Variants in CCDC149 observed in about 807,000 individuals in gnomAD.
CCDC149 encodes the protein coiled-coil domain-containing protein 149.
CCDC149 carries 45 observed loss-of-function variants against 59.9 expected under a neutral mutation model. The ratio of observed to expected loss-of-function variants is 0.75; its 90% CI spans 0.59 to 0.96. The LOEUF (loss-of-function observed/expected upper bound fraction) is 0.96. CCDC149 is among the 40% of genes least tolerant of loss of function. CCDC149 has a pLI of 0.00. For missense variants in CCDC149, 584 were observed against 664.7 expected, an observed-to-expected ratio of 0.88 and a Z score of 1.33; for synonymous variants, 245 against 260.6, an observed-to-expected ratio of 0.94 and a Z score of 0.58.
At chr4:24,976,515 C>T (rs574016389) in intron 1 of CCDC149, among the ~76,000 whole-genome samples, 5 of 152,272 alleles carry the variant, frequency 3.3e-5, no homozygotes, top group African/African-American at 7.2e-5. Flanking sequence ...GAGTTTGAGA[C>T]CAGCCTGGCC....
intron 9 of CCDC149, among the ~76,000 whole-genome samples, chr4:24,824,744 G>T (rs1715620558): frequency 1.3e-5 from 2 of 152,220 alleles, no homozygotes; most frequent in Non-Finnish European, 2.9e-5. Flanking sequence ...AGCTGGTGGT[G>T]AGGCTGTATC....
intron 1 of CCDC149, among the ~76,000 whole-genome samples, chr4:24,978,765 T>C (rs934474269): frequency 1.3e-5 from 2 of 152,208 alleles, no homozygotes. Context: ...GCTGAAATGC[T>C]GGCAATTTTG....
Position 24,808,665 on chromosome 4 carries a change from A to T in CCDC149, c.1347T>A (p.Pro449=). The change falls in exon 13 of 13, where the codon CCT becomes CCA. Residue 449 remains proline (P), a synonymous_variant. Coordinates refer to ENST00000635206, the MANE Select transcript of CCDC149 (RefSeq NM_001330643.2). ...CAAGGCTGTTTACTTCTTCCTCAGA[A>T]GGTAACTGGGGTAATGAAGGATGAA... 1 of 1,552,392 alleles carries T rather than the reference A, an allele frequency of 6.4e-7. No homozygotes were observed. The highest frequency in any genetic ancestry group is 1.2e-5 in the South Asian group (1 of 84,060).
At chr4:24,865,434 T>C (rs1718638177) in intron 3 of CCDC149, among the ~76,000 whole-genome samples, 1 of 152,186 alleles carries the variant, frequency 6.6e-6, no homozygotes, top group African/African-American at 2.4e-5. Context: ...TTAACAGTAA[T>C]AGAGTGAAAC....
Position 24,808,417 on chromosome 4 carries a change from C to T in CCDC149, c.1595G>A (p.Gly532Glu), listed in dbSNP as rs1714352557. ...GGTTTTCACGGTGCTCCTCATGCCT[C>T]CGCCCTCTGGGATCCCTTTGCCGTC... is the stretch of plus-strand genomic sequence containing the variant. Residue 532 changes from glycine to glutamate, a missense_variant, in exon 13 of 13, where the codon GGA becomes GAA. By Grantham distance (98) the Gly-to-Glu change is moderately conservative. Coordinates refer to ENST00000635206, the MANE Select transcript of CCDC149 (RefSeq NM_001330643.2). 6.9e-7 allele frequency: 1 copy of T among 1,458,034 alleles called. No homozygotes were observed. The highest frequency in any genetic ancestry group is 9.1e-7 in the Non-Finnish European group (1 of 1,104,116). The allele number at this position is 1,458,034 out of a possible 1,614,324, so 90.3% of individuals were successfully genotyped here.
intron 9 of CCDC149, among the ~76,000 whole-genome samples, chr4:24,823,845 T>C (rs1024056239): frequency 1.3e-5 from 2 of 152,246 alleles, no homozygotes; most frequent in African/African-American, 4.8e-5. Context: ...GTCTTAAAAT[T>C]ATGCAGTCTT....
At chr4:24,941,244 A>G (rs1293676826) in intron 1 of CCDC149, among the ~76,000 whole-genome samples, 1 of 152,202 alleles carries the variant, frequency 6.6e-6, no homozygotes, top group Non-Finnish European at 1.5e-5. Context: ...TAAGAAACTC[A>G]CTCAAAACTG....
intron 3 of CCDC149, among the ~76,000 whole-genome samples, chr4:24,862,807 C>T (rs994855198): frequency 8.5e-5 from 13 of 152,198 alleles, no homozygotes; most frequent in Non-Finnish European, 1.5e-5. Flanking sequence ...GTTAAAATGG[C>T]ATATAAGCCC....
At chr4:24,890,110 A>AT (rs1720442615) in intron 1 of CCDC149, among the ~76,000 whole-genome samples, 1 of 152,184 alleles carries the variant, frequency 6.6e-6, no homozygotes, top group Non-Finnish European at 1.5e-5. Flanking sequence ...TGGGCTTTAG[A>AT]GTGACATGAT....
intron 1 of CCDC149, among the ~76,000 whole-genome samples, chr4:24,937,567 T>C (rs1043103673): frequency 1.3e-5 from 2 of 152,270 alleles, no homozygotes; most frequent in African/African-American, 4.8e-5. Context: ...AGCATGAGGC[T>C]CTGTGCCATG....
intron 12 of CCDC149, among the ~76,000 whole-genome samples, chr4:24,811,867 C>T (rs968833111): frequency 4.4e-5 from 4 of 90,924 alleles, no homozygotes; most frequent in African/African-American, 8.4e-5. Context: ...AGTGAGACTC[C>T]GACTCAAAAA....
chr4:24,856,511 GA>G (rs752515479), intron 3 of CCDC149, among the ~76,000 whole-genome samples: 6 of 152,164 alleles, frequency 3.9e-5, no homozygotes, highest in Non-Finnish European at 5.9e-5. Flanking sequence ...ATCAAGACTT[GA>G]AAAAGGAGAG....
At position 24,837,423 on chromosome 4, in the gene CCDC149, T is replaced by C; in HGVS notation, c.490-23A>G. The stretch of plus-strand genomic sequence containing the variant: ...AATCTAAAACCACAGGGAGAGCCCT[T>C]ACTCAAGATGTTCCTCAGGCTCCAG... On this transcript the variant is annotated intron_variant, in intron 5 of 12. Coordinates refer to ENST00000635206, the MANE Select transcript of CCDC149 (RefSeq NM_001330643.2). This position sits in a 1 kb window ranked among gnomAD's most constrained non-coding sequence, Gnocchi z 4.3. 6.2e-7 allele frequency: 1 copy of C among 1,612,358 alleles called. No individual in the cohort carries two copies. The highest frequency in any genetic ancestry group is 8.5e-7 in the Non-Finnish European group (1 of 1,178,906).
At position 24,836,522 on chromosome 4, in the gene CCDC149, C is replaced by T; in HGVS notation, c.663-14G>A. The T allele has an allele frequency of 1.3e-6, 2 of 1,572,094 alleles. No homozygotes were observed. The highest frequency in any genetic ancestry group is 1.7e-6 in the Non-Finnish European group (2 of 1,144,096). On this transcript the variant is annotated splice_polypyrimidine_tract_variant and intron_variant, in intron 6 of 12. Transcript: ENST00000635206. Reference sequence around the variant, plus strand: ...TCTTGAAGGTACCTGAAAAAGAATACATAAAACTAGGAGGTGTTTAAGGGC... The same window carrying T: ...TCTTGAAGGTACCTGAAAAAGAATATATAAAACTAGGAGGTGTTTAAGGGC...
intron 3 of CCDC149, among the ~76,000 whole-genome samples, chr4:24,863,150 G>A (rs535685759): frequency 8.6e-5 from 13 of 152,020 alleles, no homozygotes; most frequent in South Asian, 4.2e-4. Flanking sequence ...AAAATTAGCC[G>A]GGCGTGGCGG....
At chr4:24,908,551 T>C (rs950368298) in intron 1 of CCDC149, among the ~76,000 whole-genome samples, 4 of 139,798 alleles carry the variant, frequency 2.9e-5, no homozygotes, top group African/African-American at 1.1e-4. Flanking sequence ...AAAAAAAAAA[T>C]TGGCTGGGCA....
chr4:24,912,913 C>T lies in CCDC149; in HGVS notation c.-34G>A. 6.4e-6 allele frequency: 8 copies of T among 1,254,578 alleles called. No homozygotes were observed. The highest frequency in any genetic ancestry group is 8.2e-6 in the Non-Finnish European group (8 of 971,608). The allele number at this position is 1,254,578 out of a possible 1,614,324, so 77.7% of individuals were successfully genotyped here. On this transcript the variant is annotated 5_prime_UTR_variant, in exon 1 of 13. Coordinates refer to ENST00000635206, the MANE Select transcript of CCDC149 (RefSeq NM_001330643.2). ...CGGCCTCCTGGACCCCCGCCGCCTC[C>T]TCCTCCTCGCGACGTCGCGTCGCCG...
chr4:24,878,383 G>A (rs77557823), intron 1 of CCDC149, among the ~76,000 whole-genome samples: 2,692 of 152,262 alleles, frequency 0.018, 83 homozygotes, highest in African/African-American at 0.061. Flanking sequence ...AAATGTCCTG[G>A]ATTTTGAGAC....
At chr4:24,931,825 G>GTATATATATATATATATA (rs1553862475) in intron 1 of CCDC149, among the ~76,000 whole-genome samples, 3 of 70,454 alleles carry the variant, frequency 4.3e-5, no homozygotes, top group African/African-American at 4.1e-4. Context: ...TGTATGGAGA[G>GTATATATATATATATATA]TATGTATATA....
Sources: allele counts gnomAD v4.1 joint callset (sites outside exome capture counted in the v4.1 genomes callset), GRCh38; gene constraint gnomAD v4.1.1; non-coding constraint Gnocchi (gnomAD v3.1); transcripts MANE v1.5; gene names NCBI Gene and HGNC (gene_info 2026-07-23, HGNC 2026-07-21).